NRG1: variants seen among roughly 807,000 people sequenced by gnomAD.
The protein encoded by NRG1 is neuregulin 1.
In NRG1, 18 loss-of-function variants were observed where a neutral mutation model predicts 63.8. That is an observed-to-expected ratio of 0.28 (90% confidence interval 0.19 to 0.42). The LOEUF is 0.42. Ranked by LOEUF, NRG1 falls within the 10% of genes least tolerant of loss-of-function variation. The pLI is 1.00. For missense variants in NRG1, 762 were observed against 814.7 expected (o/e 0.94, Z 0.79); for synonymous variants, 302 against 301.3 (o/e 1.00, Z -0.02).
At chr8:32,437,075 T>A (rs893170253) in intron 1 of NRG1, among the ~76,000 whole-genome samples, 1 of 151,960 alleles carries the variant, frequency 6.6e-6, no homozygotes, top group Non-Finnish European at 1.5e-5. Context: ...ATGGGAGAGA[T>A]ATTTGGCCCA....
At chr8:31,938,208 G>T (rs753248219) in intron 1 of NRG1, among the ~76,000 whole-genome samples, 9 of 152,176 alleles carry the variant, frequency 5.9e-5, no homozygotes, top group Non-Finnish European at 1.3e-4. Context: ...ACAGCTGCAA[G>T]ACCTGAAGAG....
intron 1 of NRG1, among the ~76,000 whole-genome samples, chr8:31,972,153 A>G (rs1234208973): frequency 2.6e-5 from 4 of 152,130 alleles, no homozygotes; most frequent in Non-Finnish European, 5.9e-5. Context: ...ATAATAATCT[A>G]TCCTTCAGAG....
rs184376385 is a variant in NRG1, at chr8:32,593,485, C to A, written c.101-2343C>A. 2.7e-5 allele frequency among the ~76,000 whole-genome samples: 4 copies of A among 148,272 alleles called. No individual in the cohort carries two copies. The Admixed American group carries it at 2.7e-4, about 10-fold the overall frequency. On this transcript the variant is annotated intron_variant, in intron 1 of 11. Transcript: ENST00000356819. Reference sequence around the variant, plus strand: ...CTTGTCTAACATGGCGAAACTCTGTCTCTATGAAAAATACAACAGTTAGCC... The same window carrying A: ...CTTGTCTAACATGGCGAAACTCTGTATCTATGAAAAATACAACAGTTAGCC...
intron 1 of NRG1, among the ~76,000 whole-genome samples, chr8:32,488,129 T>G (rs529328520): frequency 3.9e-5 from 6 of 152,348 alleles, no homozygotes; most frequent in Non-Finnish European, 7.3e-5. Flanking sequence ...GGTTTTAATC[T>G]CAGACCTTGT....
intron 1 of NRG1, among the ~76,000 whole-genome samples, chr8:32,494,212 T>C (rs2129495271): frequency 6.6e-6 from 1 of 152,310 alleles, no homozygotes; most frequent in African/African-American, 2.4e-5. Flanking sequence ...CTCTTTCTGA[T>C]GATAAAAGTA....
chr8:32,476,012 G>A (rs1411373281), intron 1 of NRG1, among the ~76,000 whole-genome samples: 2 of 152,160 alleles, frequency 1.3e-5, no homozygotes, highest in Non-Finnish European at 2.9e-5. Context: ...CCGAAGAGTA[G>A]TAAAAATTAG....
chr8:32,393,433 CT>C (rs1358156358), intron 1 of NRG1, among the ~76,000 whole-genome samples: 1 of 152,132 alleles, frequency 6.6e-6, no homozygotes, highest in East Asian at 1.9e-4. Context: ...CACACGCATG[CT>C]TATGTTCATT....
At chr8:31,936,048 A>T (rs1311381564) in intron 1 of NRG1, among the ~76,000 whole-genome samples, 1 of 152,152 alleles carries the variant, frequency 6.6e-6, no homozygotes, top group African/African-American at 2.4e-5. Context: ...CCAATAGAAG[A>T]TGGAAAGGCA....
intron 1 of NRG1, among the ~76,000 whole-genome samples, chr8:32,587,223 A>T (rs972242660): frequency 2.6e-5 from 4 of 152,132 alleles, no homozygotes; most frequent in African/African-American, 9.7e-5. Flanking sequence ...CCAAAAAAAA[A>T]AAATTAAAGC....
intron 1 of NRG1, among the ~76,000 whole-genome samples, chr8:32,373,186 C>T (rs1809156391): frequency 2.6e-5 from 4 of 152,170 alleles, no homozygotes; most frequent in Admixed American, 2.0e-4. Context: ...AAACCACAAT[C>T]ATCTTCACCA....
chr8:32,037,988 C>T (rs1272379038), intron 1 of NRG1, among the ~76,000 whole-genome samples: 1 of 152,210 alleles, frequency 6.6e-6, no homozygotes, highest in Non-Finnish European at 1.5e-5. Flanking sequence ...CAGGAGTGGA[C>T]GGATCTCCTG....
intron 1 of NRG1, among the ~76,000 whole-genome samples, chr8:31,650,963 G>A (rs1804781779): frequency 6.6e-6 from 1 of 152,172 alleles, no homozygotes. Context: ...TGCTTTTCAA[G>A]GTCCGTTTAA....
Position 31,640,677 on chromosome 8 carries a change from G to A in NRG1, c.37+1246G>A, listed in dbSNP as rs926651387. 2 of 1,607,294 alleles carry A rather than the reference G, an allele frequency of 1.2e-6. No individual in the cohort carries two copies. The highest frequency in any genetic ancestry group is 1.7e-6 in the Non-Finnish European group (2 of 1,177,764). On this transcript the variant is annotated intron_variant, in intron 1 of 10. Coordinates refer to the NRG1 transcript ENST00000519301. The surrounding 1 kb of genome is among the most constrained non-coding windows in gnomAD (Gnocchi z 6.3). ...TCCGAGCCTCTTTCCCCCCTCTGGA[G>A]ACGGGCCGGAACCTCAAGAAGGAGG... is the stretch of plus-strand genomic sequence containing the variant.
Position 32,578,470 on chromosome 8 carries a change from C to CT in NRG1, c.101-17346dup, listed in dbSNP as rs61536571. Among the ~76,000 whole-genome samples, 67 of 148,290 alleles carry CT rather than the reference C, an allele frequency of 4.5e-4. 1 individual carries two copies. Among genetic ancestry groups the CT allele is most frequent in the African/African-American group, 6.0e-4 (24 of 40,274 alleles). ...ACCACTGCAGACATTCTCTGTCCTC[C>CT]TTTTTTTTTTTTGTCACTAACATGA... On this transcript the variant is annotated intron_variant, in intron 1 of 11. Coordinates refer to ENST00000356819, the Ensembl canonical transcript of NRG1.
chr8:31,861,199 G>T (rs1405271040), intron 1 of NRG1, among the ~76,000 whole-genome samples: 2 of 152,016 alleles, frequency 1.3e-5, no homozygotes, highest in Non-Finnish European at 2.9e-5. Context: ...CCCCAGCTAG[G>T]GTCTCAAACC....
intron 1 of NRG1, among the ~76,000 whole-genome samples, chr8:31,778,268 G>A (rs971932985): frequency 7.9e-5 from 12 of 152,028 alleles, no homozygotes; most frequent in African/African-American, 1.7e-4. Flanking sequence ...GCTTCCTGTC[G>A]TACTCTCTGC....
At chr8:31,898,017 CAAAAAAAA>C (rs34246447) in intron 1 of NRG1, among the ~76,000 whole-genome samples, 2 of 125,898 alleles carry the variant, frequency 1.6e-5, no homozygotes, top group African/African-American at 3.2e-5. Context: ...AATTCTATCT[CAAAAAAAA>C]AAAAAAAAAA....
intron 1 of NRG1, among the ~76,000 whole-genome samples, chr8:31,937,203 A>G (rs1392040535): frequency 6.6e-6 from 1 of 152,146 alleles, no homozygotes; most frequent in African/African-American, 2.4e-5. Flanking sequence ...TACCTTTTCT[A>G]TTGGAAGAAA....
intron 5 of NRG1, among the ~76,000 whole-genome samples, chr8:32,683,396 G>A (rs1397697383): frequency 1.3e-5 from 2 of 152,316 alleles, no homozygotes; most frequent in South Asian, 4.1e-4. Context: ...GAAATTGACT[G>A]TAGATGCAAA....
Sources: allele counts gnomAD v4.1 joint callset (sites outside exome capture counted in the v4.1 genomes callset), GRCh38; gene constraint gnomAD v4.1.1; non-coding constraint Gnocchi (gnomAD v3.1); transcripts MANE v1.5; gene names NCBI Gene and HGNC (gene_info 2026-07-23, HGNC 2026-07-21).